PSMA8: variants seen among roughly 807,000 people sequenced by gnomAD.
The protein encoded by PSMA8 is proteasome subunit alpha-type 8.
In PSMA8, 18 loss-of-function variants were observed where a neutral mutation model predicts 32.4. The ratio of observed to expected loss-of-function variants is 0.56; its 90% CI spans 0.38 to 0.82. The LOEUF (loss-of-function observed/expected upper bound fraction) is 0.82. Among genes scored for constraint, PSMA8 ranks in the 40% least tolerant of loss-of-function variants. The pLI, the probability that PSMA8 is intolerant of heterozygous loss-of-function variation, is 0.00. For missense variants in PSMA8, 298 were observed against 300.7 expected, an observed-to-expected ratio of 0.99 and a Z score of 0.07; for synonymous variants, 104 against 98.1, an observed-to-expected ratio of 1.06 and a Z score of -0.36.
At chr18:26,134,326 AGG>A (rs1182136478) in intron 1 of PSMA8, among the ~76,000 whole-genome samples, 4 of 150,210 alleles carry the variant, frequency 2.7e-5, no homozygotes, top group African/African-American at 9.9e-5. Flanking sequence ...ACGCAAAACT[AGG>A]GTGTGTGTGT....
At chr18:26,169,082 A>G (rs1049573287) in intron 4 of PSMA8, among the ~76,000 whole-genome samples, 10 of 132,188 alleles carry the variant, frequency 7.6e-5, no homozygotes, top group Admixed American at 5.8e-4. Context: ...CGTGGGCTCA[A>G]TTAATTCTTC....
chr18:26,148,334 A>G (rs535304179), intron 2 of PSMA8, among the ~76,000 whole-genome samples: 1 of 152,172 alleles, frequency 6.6e-6, no homozygotes, highest in Non-Finnish European at 1.5e-5. Context: ...ATTTGGATCT[A>G]TCCCTGGAGT....
chr18:26,134,367 CTGTGTGTGTG>C (rs71169816), intron 1 of PSMA8, among the ~76,000 whole-genome samples: 1 of 131,910 alleles, frequency 7.6e-6, no homozygotes, highest in Non-Finnish European at 1.5e-5. Context: ...GTGTGTGTCT[CTGTGTGTGTG>C]TGTGTGTGTG....
intron 6 of PSMA8, among the ~76,000 whole-genome samples, chr18:26,185,250 C>CA (rs2055343857): frequency 6.7e-6 from 1 of 150,240 alleles, no homozygotes; most frequent in South Asian, 2.1e-4. Context: ...TAAGTTAAAA[C>CA]AAAAAAACTC....
intron 2 of PSMA8, 64 bp from the exon 3 acceptor site, chr18:26,151,794 A>C (rs778390439): frequency 6.8e-7 from 1 of 1,475,728 alleles, no homozygotes; most frequent in South Asian, 1.4e-5. Flanking sequence ...CCATTTGACA[A>C]GGAAAAATGT....
chr18:26,158,671 C>A (rs2055110396), intron 4 of PSMA8, among the ~76,000 whole-genome samples: 1 of 152,154 alleles, frequency 6.6e-6, no homozygotes, highest in East Asian at 1.9e-4. Context: ...AACTATGAAT[C>A]TATACTCATG....
intron 1 of PSMA8, among the ~76,000 whole-genome samples, chr18:26,134,361 GTGTC>G (rs1224973124): frequency 7.5e-6 from 1 of 132,598 alleles, no homozygotes; most frequent in Non-Finnish European, 1.5e-5. Flanking sequence ...GTGTGTGTGT[GTGTC>G]TCTGTGTGTG....
intron 4 of PSMA8, among the ~76,000 whole-genome samples, chr18:26,176,242 A>G (rs141275037): frequency 5.4e-4 from 82 of 152,308 alleles, no homozygotes; most frequent in African/African-American, 1.9e-3. Context: ...TGGATAGGAA[A>G]GTCACCAGAA....
At chr18:26,173,079 G>A (rs2055236451) in intron 4 of PSMA8, among the ~76,000 whole-genome samples, 1 of 152,150 alleles carries the variant, frequency 6.6e-6, no homozygotes, top group Non-Finnish European at 1.5e-5. Flanking sequence ...ATTTAAGTCA[G>A]ATCAGGTCAC....
At chr18:26,134,374 T>TGC (rs2054893889) in intron 1 of PSMA8, among the ~76,000 whole-genome samples, 1 of 143,858 alleles carries the variant, frequency 7.0e-6, no homozygotes, top group Non-Finnish European at 1.5e-5. Context: ...TCTCTGTGTG[T>TGC]GTGTGTGTGT....
intron 6 of PSMA8, among the ~76,000 whole-genome samples, chr18:26,180,617 A>C (rs2055302932): frequency 6.6e-6 from 1 of 152,090 alleles, no homozygotes; most frequent in Non-Finnish European, 1.5e-5. Flanking sequence ...AGATGCAGCA[A>C]CACCACAAGG....
chr18:26,164,032 C>G (rs2055159100), intron 4 of PSMA8, among the ~76,000 whole-genome samples: 1 of 152,326 alleles, frequency 6.6e-6, no homozygotes, highest in Admixed American at 6.5e-5. Flanking sequence ...TATCAATTTA[C>G]TCAGTTCCAT....
chr18:26,134,934 AC>A (rs1289691407), intron 1 of PSMA8, among the ~76,000 whole-genome samples: 1 of 151,926 alleles, frequency 6.6e-6, no homozygotes, highest in African/African-American at 2.4e-5. Context: ...AGCCTGGGCA[AC>A]AAAAGCGAAA....
At chr18:26,163,947 C>T (rs1280077634) in intron 4 of PSMA8, among the ~76,000 whole-genome samples, 2 of 152,192 alleles carry the variant, frequency 1.3e-5, no homozygotes, top group Non-Finnish European at 2.9e-5. Context: ...AAGGACCCAG[C>T]ATAGTCTACA....
chr18:26,145,221 C>G (rs181919309), intron 2 of PSMA8, among the ~76,000 whole-genome samples: 263 of 152,240 alleles, frequency 1.7e-3, no homozygotes, highest in African/African-American at 5.8e-3. Context: ...CGGGTTCAAG[C>G]AATTCTCCTG....
At chr18:26,181,579 C>T (rs2055311728) in intron 6 of PSMA8, among the ~76,000 whole-genome samples, 2 of 152,178 alleles carry the variant, frequency 1.3e-5, no homozygotes, top group Non-Finnish European at 2.9e-5. Flanking sequence ...AGGTGGAAAG[C>T]TAGGCCTCTT....
Position 26,144,603 on chromosome 18 carries a change from A to G in PSMA8, c.147A>G (p.Lys49=). 6.2e-7 allele frequency: 1 copy of G among 1,613,848 alleles called. No individual in the cohort carries two copies. The highest frequency in any genetic ancestry group is 8.5e-7 in the Non-Finnish European group (1 of 1,179,818). The change falls in exon 2 of 7, where the codon AAA becomes AAG. Residue 49 remains lysine (K), a synonymous_variant. Transcript: ENST00000415576. Reference sequence around the variant, plus strand: ...ATATAGTTGTTCTTGGGGTAGAAAAAAAATCTGTTGCCAAGCTTCAAGATG... The same window carrying G: ...ATATAGTTGTTCTTGGGGTAGAAAAGAAATCTGTTGCCAAGCTTCAAGATG... ...GTNIVVLGVE[K]KSVAKLQDER... is the part of the protein sequence containing the mutation.
rs2055417472 is a variant in PSMA8 at position 26,193,157 on chromosome 18, C to T, written c.*746C>T. 1 of 151,868 alleles carries T rather than the reference C, an allele frequency of 6.6e-6. No individual in the cohort carries two copies. The highest frequency in any genetic ancestry group is 2.4e-5 in the African/African-American group (1 of 41,322). 9.4% of individuals were successfully genotyped at this position (151,868 alleles called of 1,614,324 possible). A position where few individuals can be genotyped will look rare whatever the true frequency, so the allele number is the denominator to read the frequency against. ...TTATCTCAAGTATGTCCAGTGTGTT[C>T]GGTTTGTTACATATTCCATGAAATA... On this transcript the variant is annotated 3_prime_UTR_variant, in exon 7 of 7. Coordinates refer to ENST00000415576, the MANE Select transcript of PSMA8 (RefSeq NM_001025096.2).
At chr18:26,134,367 CTGTGTG>C (rs71169816) in intron 1 of PSMA8, among the ~76,000 whole-genome samples, 4 of 131,908 alleles carry the variant, frequency 3.0e-5, no homozygotes, top group Non-Finnish European at 6.2e-5. Flanking sequence ...GTGTGTGTCT[CTGTGTG>C]TGTGTGTGTG....
Sources: allele counts gnomAD v4.1 joint callset (sites outside exome capture counted in the v4.1 genomes callset), GRCh38; gene constraint gnomAD v4.1.1; transcripts MANE v1.5; gene names NCBI Gene and HGNC (gene_info 2026-07-23, HGNC 2026-07-21).